Variants in FAM78B observed in about 807,000 individuals in gnomAD.
FAM78B encodes the protein family with sequence similarity 78 member B, also known as protein FAM78B.
In FAM78B, 10 loss-of-function variants were observed where a neutral mutation model predicts 20.0. The ratio of observed to expected loss-of-function variants is 0.50; its 90% CI spans 0.31 to 0.85. FAM78B has a LOEUF of 0.85. Ranked by LOEUF, FAM78B falls within the 40% of genes least tolerant of loss-of-function variation. FAM78B has a pLI of 0.05. For synonymous variants in FAM78B, 135 were observed against 132.8 expected, an observed-to-expected ratio of 1.02 and a Z score of -0.12; for missense variants, 283 against 345.0, an observed-to-expected ratio of 0.82 and a Z score of 1.42.
intron 1 of FAM78B, among the ~76,000 whole-genome samples, chr1:166,135,030 G>A (rs1026970933): frequency 1.3e-5 from 2 of 152,172 alleles, no homozygotes; most frequent in Admixed American, 6.5e-5. Context: ...CTAATTAAAT[G>A]TACAATGAAA....
intron 1 of FAM78B, among the ~76,000 whole-genome samples, chr1:166,148,836 G>T (rs1655572587): frequency 6.6e-6 from 1 of 152,244 alleles, no homozygotes; most frequent in South Asian, 2.1e-4. Flanking sequence ...TAAGTGATAA[G>T]CATTCATAAA....
At chr1:166,109,156 G>A (rs1415052916) in intron 1 of FAM78B, among the ~76,000 whole-genome samples, 1 of 152,028 alleles carries the variant, frequency 6.6e-6, no homozygotes, top group African/African-American at 2.4e-5. Context: ...AAGATAAATA[G>A]TTGAGACCTA....
At chr1:166,079,761 C>T (rs1426862269) in intron 1 of FAM78B, among the ~76,000 whole-genome samples, 2 of 152,116 alleles carry the variant, frequency 1.3e-5, no homozygotes, top group Non-Finnish European at 2.9e-5. Flanking sequence ...CTTGATTCAG[C>T]CCTCTGTTAG....
intron 1 of FAM78B, among the ~76,000 whole-genome samples, chr1:166,075,654 T>C (rs2101715317): frequency 6.6e-6 from 1 of 152,360 alleles, no homozygotes; most frequent in East Asian, 1.9e-4. Context: ...TTTCTCTTTA[T>C]ATCTCATTAT....
chr1:166,092,876 C>T (rs924040060), intron 1 of FAM78B, among the ~76,000 whole-genome samples: 1 of 152,070 alleles, frequency 6.6e-6, no homozygotes, highest in Non-Finnish European at 1.5e-5. Flanking sequence ...TTGTTAAATC[C>T]TCCCAACAAT....
chr1:166,067,484 T>C (rs927398908), downstream of FAM78B, among the ~76,000 whole-genome samples: 1 of 152,140 alleles, frequency 6.6e-6, no homozygotes, highest in East Asian at 1.9e-4. Context: ...ACTGATGGCA[T>C]CTGGCGTCAG....
intron 1 of FAM78B, among the ~76,000 whole-genome samples, chr1:166,076,618 A>G (rs952110571): frequency 5.9e-5 from 9 of 151,706 alleles, no homozygotes; most frequent in African/African-American, 1.5e-4. Flanking sequence ...CCCTCACCCT[A>G]CTCTCCAAAT....
intron 1 of FAM78B, among the ~76,000 whole-genome samples, chr1:166,091,964 C>G (rs946672722): frequency 6.6e-6 from 1 of 151,852 alleles, no homozygotes; most frequent in Admixed American, 6.6e-5. Flanking sequence ...ACTACCCCTG[C>G]TTCTCAATGA....
chr1:166,109,866 G>GTGTATATATATATA (rs1557903256), intron 1 of FAM78B, among the ~76,000 whole-genome samples: 18 of 17,146 alleles, frequency 1.0e-3, no homozygotes, highest in East Asian at 3.8e-3. Context: ...ATATATGTAT[G>GTGTATATATATATA]TGTATATATA....
intron 1 of FAM78B, among the ~76,000 whole-genome samples, chr1:166,100,973 A>T (rs938620280): frequency 2.0e-5 from 3 of 152,206 alleles, no homozygotes; most frequent in African/African-American, 7.2e-5. Flanking sequence ...TCACATGGCC[A>T]GGTACCACTC....
At chr1:166,096,659 A>T (rs1165895420) in intron 1 of FAM78B, among the ~76,000 whole-genome samples, 2 of 152,184 alleles carry the variant, frequency 1.3e-5, no homozygotes, top group African/African-American at 4.8e-5. Context: ...TGATGTAGTG[A>T]GAGAGGCCTG....
intron 1 of FAM78B, among the ~76,000 whole-genome samples, chr1:166,160,169 C>A (rs1530889): frequency 0.61 from 92,937 of 152,082 alleles, 30,288 homozygotes; most frequent in Non-Finnish European, 0.74. Context: ...AAATGCCCAA[C>A]TGTGTGACCA....
intron 1 of FAM78B, among the ~76,000 whole-genome samples, chr1:166,116,823 T>C (rs1654274547): frequency 6.6e-6 from 1 of 152,146 alleles, no homozygotes; most frequent in South Asian, 2.1e-4. Context: ...GAGCATCCCT[T>C]TGGCCTCAAC....
exon 3 of FAM78B, chr1:166,060,639 G>A: frequency 7.8e-7 from 1 of 1,288,890 alleles, no homozygotes; most frequent in Non-Finnish European, 1.0e-6. Flanking sequence ...GTGCTTGCTG[G>A]GCTTTCCTTG....
At chr1:166,093,046 A>T (rs1479511923) in intron 1 of FAM78B, among the ~76,000 whole-genome samples, 1 of 152,240 alleles carries the variant, frequency 6.6e-6, no homozygotes. Flanking sequence ...TTAAGAATAT[A>T]TTTAAAAAAA....
chr1:166,143,221 G>T (rs1387944577), intron 1 of FAM78B, among the ~76,000 whole-genome samples: 1 of 152,152 alleles, frequency 6.6e-6, no homozygotes, highest in Non-Finnish European at 1.5e-5. Flanking sequence ...TGGGACAGTG[G>T]CAGGGAAGAG....
intron 1 of FAM78B, among the ~76,000 whole-genome samples, chr1:166,111,468 A>G (rs74118970): frequency 0.025 from 3,834 of 152,320 alleles, 158 homozygotes; most frequent in African/African-American, 0.088. Flanking sequence ...AGGCTGGAGC[A>G]GCTGTCTACA....
intron 1 of FAM78B, among the ~76,000 whole-genome samples, chr1:166,154,072 A>G (rs1478175946): frequency 6.6e-6 from 1 of 152,232 alleles, no homozygotes; most frequent in Non-Finnish European, 1.5e-5. Context: ...TATCCCTCTC[A>G]GACTTCTCCC....
intron 1 of FAM78B, among the ~76,000 whole-genome samples, chr1:166,114,676 C>CTCAT (rs1654191259): frequency 6.6e-6 from 1 of 152,192 alleles, no homozygotes; most frequent in Non-Finnish European, 1.5e-5. Flanking sequence ...GTGGCCTTTA[C>CTCAT]TCATTCCTCC....
Sources: allele counts gnomAD v4.1 joint callset (sites outside exome capture counted in the v4.1 genomes callset), GRCh38; gene constraint gnomAD v4.1.1; transcripts MANE v1.5; gene names NCBI Gene and HGNC (gene_info 2026-07-23, HGNC 2026-07-21).